Variants in FAM149A observed in about 807,000 individuals in gnomAD.
FAM149A encodes family with sequence similarity 149 member A.
FAM149A carries 71 observed loss-of-function variants against 78.2 expected under a neutral mutation model. That is an observed-to-expected ratio of 0.91 (90% CI 0.75 to 1.11). The LOEUF (loss-of-function observed/expected upper bound fraction) is 1.11. Among genes scored for constraint, FAM149A ranks in the 50% least tolerant of loss-of-function variants. FAM149A has a pLI of 0.00. For synonymous variants in FAM149A, 446 were observed against 410.5 expected, an observed-to-expected ratio of 1.09 and a Z score of -1.04; for missense variants, 1,036 against 971.0, an observed-to-expected ratio of 1.07 and a Z score of -0.89.
intron 1 of FAM149A, chr4:186,118,032 T>C (rs1055788810): frequency 5.4e-5 from 53 of 985,068 alleles, no homozygotes; most frequent in Non-Finnish European, 6.4e-5. Context: ...ACACCTTGAG[T>C]TGAGGTCTAG....
At chr4:186,139,923 C>G (rs2099325086) in intron 1 of FAM149A, among the ~76,000 whole-genome samples, 1 of 152,100 alleles carries the variant, frequency 6.6e-6, no homozygotes, top group African/African-American at 2.4e-5. Flanking sequence ...CTGTATGTAA[C>G]TTTTGTGTAT....
intron 7 of FAM149A, among the ~76,000 whole-genome samples, chr4:186,156,457 T>A (rs1002470265): frequency 6.6e-6 from 1 of 152,150 alleles, no homozygotes; most frequent in African/African-American, 2.4e-5. Context: ...GTAGATCACC[T>A]GAGGTCAGGA....
At chr4:186,160,505 CCAAATACA>C (rs1260138179) in intron 8 of FAM149A, among the ~76,000 whole-genome samples, 1 of 148,440 alleles carries the variant, frequency 6.7e-6, no homozygotes, top group Non-Finnish European at 1.5e-5. Context: ...CAAACACATA[CCAAATACA>C]CACATACACA....
chr4:186,170,257 C>T (rs576184471), intron 13 of FAM149A, among the ~76,000 whole-genome samples: 1 of 152,356 alleles, frequency 6.6e-6, no homozygotes, highest in African/African-American at 2.4e-5. Flanking sequence ...GCACGGAAGT[C>T]CTAGCTCTGC....
At chr4:186,108,904 G>A (rs1274266249) in intron 1 of FAM149A, among the ~76,000 whole-genome samples, 4 of 149,888 alleles carry the variant, frequency 2.7e-5, no homozygotes, top group Admixed American at 2.7e-4. Flanking sequence ...CTGGAGTGCA[G>A]TGGCGCGATC....
At chr4:186,150,256 C>T (rs1733375708) in intron 3 of FAM149A, among the ~76,000 whole-genome samples, 1 of 151,996 alleles carries the variant, frequency 6.6e-6, no homozygotes, top group African/African-American at 2.4e-5. Flanking sequence ...CCTCCCCCTC[C>T]CTCCAAGGGT....
At chr4:186,165,583 C>T in intron 11 of FAM149A, 119 bp downstream of exon 11, 1 of 926,752 alleles carries the variant, frequency 1.1e-6, no homozygotes, top group East Asian at 2.6e-5. Context: ...TAGCTGTATT[C>T]AAATGCCTTC....
chr4:186,109,136 C>T (rs1366594646), intron 1 of FAM149A: 7 of 984,670 alleles, frequency 7.1e-6, no homozygotes, highest in African/African-American at 1.7e-5. Flanking sequence ...CTTGAGCCAC[C>T]GCGCCCGGCC....
At chr4:186,123,958 T>C (rs2099317151) in intron 1 of FAM149A, 1 of 985,126 alleles carries the variant, frequency 1.0e-6, no homozygotes, top group Non-Finnish European at 1.2e-6. Flanking sequence ...TCTAAAAATT[T>C]GCCATCTTAA....
In FAM149A at chr4:186,141,296, C is replaced by T. The variant is rs184373277; in HGVS notation, c.567-7877C>T. Among the ~76,000 whole-genome samples, 10 of 152,132 alleles carry T rather than the reference C, an allele frequency of 6.6e-5. No individual in the cohort carries two copies. The East Asian group carries it at 1.9e-3, about 29-fold the overall frequency. On this transcript the variant is annotated intron_variant, in intron 1 of 13. Transcript: ENST00000389354. Reference sequence around the variant, plus strand: ...TTGGTGTAAAATACACACTGGATTTCAAAACTTAGTACAAAAAAATTAAAA... The same window carrying T: ...TTGGTGTAAAATACACACTGGATTTTAAAACTTAGTACAAAAAAATTAAAA...
intron 1 of FAM149A, among the ~76,000 whole-genome samples, chr4:186,129,581 C>T (rs919006470): frequency 3.3e-5 from 5 of 152,144 alleles, no homozygotes; most frequent in African/African-American, 7.2e-5. Context: ...TTAAAGACCA[C>T]GCAGGAATTA....
rs1249850042 is a variant in FAM149A, at chr4:186,172,270, A to G, written c.*283A>G. On this transcript the variant is annotated 3_prime_UTR_variant, in exon 14 of 14. Coordinates refer to ENST00000389354, the MANE Select transcript of FAM149A (RefSeq NM_001367768.3). ...TTTGCAGTCCGTCATTTTATCAATG[A>G]TACGCAAACATAATTAGCATGTGTA... 1.6e-5 allele frequency: 5 copies of G among 319,544 alleles called. No homozygotes were observed. Among genetic ancestry groups the G allele is most frequent in the Non-Finnish European group, 2.8e-5 (5 of 176,568 alleles). The allele number at this position is 319,544 out of a possible 1,614,324, so 19.8% of individuals were successfully genotyped here.
chr4:186,124,148 A>G (rs1401370102), intron 1 of FAM149A: 1 of 985,270 alleles, frequency 1.0e-6, no homozygotes, highest in Non-Finnish European at 1.2e-6. Flanking sequence ...AGATACATCT[A>G]CAGAATAATC....
chr4:186,146,833 C>G, intron 1 of FAM149A: 1 of 985,394 alleles, frequency 1.0e-6, no homozygotes, highest in Non-Finnish European at 1.2e-6. Flanking sequence ...CAGGCATAAA[C>G]ATTCAGAGTA....
At chr4:186,108,856 T>C (rs946326199) in intron 1 of FAM149A, among the ~76,000 whole-genome samples, 16 of 152,002 alleles carry the variant, frequency 1.1e-4, no homozygotes, top group African/African-American at 3.9e-4. Context: ...TCTGGTTTTT[T>C]TTTTTTTTTG....
intron 7 of FAM149A, 111 bp from the exon 8 acceptor site, chr4:186,157,454 C>A: frequency 2.7e-6 from 3 of 1,102,168 alleles, no homozygotes; most frequent in South Asian, 1.5e-5. Context: ...GTGGCCGTAG[C>A]ATGGGCTCGT....
At chr4:186,122,804 T>A in intron 1 of FAM149A, 1 of 665,142 alleles carries the variant, frequency 1.5e-6, no homozygotes, top group Non-Finnish European at 1.9e-6. Context: ...AATATCTAAA[T>A]GATGAAACAA....
intron 6 of FAM149A, chr4:186,154,870 C>T (rs975544236): frequency 4.1e-6 from 4 of 985,232 alleles, no homozygotes; most frequent in African/African-American, 3.5e-5. Flanking sequence ...CAAGGCTCCT[C>T]GCAGCCCTGG....
At position 186,149,277 on chromosome 4, in the gene FAM149A, A is replaced by G; in HGVS notation, c.671A>G (p.Tyr224Cys). Reference sequence around the variant, plus strand: ...AATGTGCAGAAAGCCATTGATAAATATACCTGGTAAGAATTCACCTTGCTT... The same window carrying G: ...AATGTGCAGAAAGCCATTGATAAATGTACCTGGTAAGAATTCACCTTGCTT... Residue 224 changes from tyrosine (Y) to cysteine (C), a missense_variant, in exon 2 of 14, where the codon TAT (tyrosine) becomes TGT (cysteine). Physicochemically the swap from Tyr to Cys is radical, Grantham distance 194. This residue lies in a region of FAM149A where 716 missense variants were observed against 711.8 expected (regional missense o/e 1.01). Coordinates refer to ENST00000389354, the MANE Select transcript of FAM149A (RefSeq NM_001367768.3). 1 of 1,286,712 alleles carries G rather than the reference A, an allele frequency of 7.8e-7. No individual in the cohort carries two copies. Among genetic ancestry groups the G allele is most frequent in the Middle Eastern group, 2.1e-4 (1 of 4,688 alleles). The allele number at this position is 1,286,712 out of a possible 1,614,324, so 79.7% of individuals were successfully genotyped here.
Sources: gnomAD v4.1 joint callset for allele counts (sites outside exome capture counted in the v4.1 genomes callset) on GRCh38, gnomAD v4.1.1 for gene constraint, gnomAD v4.1.1 regional missense constraint, MANE v1.5 for transcripts, NCBI Gene and HGNC (gene_info 2026-07-23, HGNC 2026-07-21) for gene names.